ATP9B: variants seen among roughly 807,000 people sequenced by gnomAD.
ATP9B encodes the protein probable phospholipid-transporting ATPase IIB.
A neutral mutation model predicts 146.1 loss-of-function variants in ATP9B; 110 were observed. The observed-to-expected ratio is 0.75, with a 90% confidence interval of 0.65 to 0.88. The LOEUF (loss-of-function observed/expected upper bound fraction) is 0.88, where lower values mean the gene tolerates loss of function less well. ATP9B is among the 40% of genes least tolerant of loss of function. The probability of loss-of-function intolerance (pLI) is 0.00; values close to 1 mark genes in which losing one functional copy is unlikely to be tolerated. For missense variants in ATP9B, 1,499 were observed against 1,496.4 expected (o/e 1.00, Z -0.03); for synonymous variants, 604 against 569.7 (o/e 1.06, Z -0.86).
chr18:79,348,939 G>A lies in ATP9B; in HGVS notation c.2903+743G>A, dbSNP rs1330683536. Among the ~76,000 whole-genome samples, 9 of 152,226 alleles carry A rather than the reference G, an allele frequency of 5.9e-5. No homozygotes were observed. The East Asian group carries it at 7.7e-4, about 13-fold the overall frequency. On this transcript the variant is annotated intron_variant, in intron 25 of 29. Coordinates refer to ENST00000426216, the MANE Select transcript of ATP9B (RefSeq NM_198531.5). ...GGGGAGGTTTCAGTGAGCTAAGATC[G>A]TGCCATTGCACTCCAGCTTGGGCAA...
intron 10 of ATP9B, chr18:79,209,784 T>A: frequency 1.7e-6 from 1 of 585,952 alleles, no homozygotes; most frequent in Non-Finnish European, 2.1e-6. Flanking sequence ...TTCAGCTCTT[T>A]TAGTACATAC....
intron 4 of ATP9B, among the ~76,000 whole-genome samples, chr18:79,125,768 A>G (rs1178978668): frequency 6.6e-6 from 1 of 152,188 alleles, no homozygotes; most frequent in Admixed American, 6.5e-5. Flanking sequence ...AAGCACTATA[A>G]TTGTTCATTC....
At chr18:79,336,539 A>G (rs2096828064) in intron 17 of ATP9B, 89 bp from the exon 18 acceptor site, 2 of 1,207,462 alleles carry the variant, frequency 1.7e-6, no homozygotes, top group African/African-American at 1.5e-5. Flanking sequence ...GCAGGGCACC[A>G]GCAATCAGAG....
At chr18:79,196,677 C>T (rs574726316) in intron 9 of ATP9B, among the ~76,000 whole-genome samples, 1 of 152,278 alleles carries the variant, frequency 6.6e-6, no homozygotes, top group East Asian at 1.9e-4. Context: ...AACAGTTGAT[C>T]AATTCATATG....
At chr18:79,249,944 C>A (rs1368141742) in intron 11 of ATP9B, among the ~76,000 whole-genome samples, 2 of 152,188 alleles carry the variant, frequency 1.3e-5, no homozygotes, top group African/African-American at 4.8e-5. Context: ...GAAAATGCCA[C>A]CTGCAAGGCA....
chr18:79,263,620 TCTC>T (rs1278825443), intron 12 of ATP9B, among the ~76,000 whole-genome samples: 1 of 152,198 alleles, frequency 6.6e-6, no homozygotes, highest in Non-Finnish European at 1.5e-5. Context: ...GTTGTCTTCT[TCTC>T]ATTTCTTGCA....
At chr18:79,156,924 C>T (rs760146282) in intron 7 of ATP9B, among the ~76,000 whole-genome samples, 2 of 152,156 alleles carry the variant, frequency 1.3e-5, no homozygotes, top group Non-Finnish European at 2.9e-5. Context: ...TGCAGGCCCT[C>T]CAGTCCCCGG....
chr18:79,150,898 C>T (rs2094678811), intron 6 of ATP9B, among the ~76,000 whole-genome samples: 1 of 152,002 alleles, frequency 6.6e-6, no homozygotes, highest in South Asian at 2.1e-4. Flanking sequence ...TTGCTTGGGC[C>T]CGGGAATTCA....
At chr18:79,301,421 G>A (rs1009147008) in intron 13 of ATP9B, among the ~76,000 whole-genome samples, 1 of 152,184 alleles carries the variant, frequency 6.6e-6, no homozygotes, top group African/African-American at 2.4e-5. Flanking sequence ...GAACCCAGGA[G>A]GCAGAGGTTG....
At chr18:79,221,725 C>T (rs2095679183) in intron 11 of ATP9B, among the ~76,000 whole-genome samples, 1 of 151,888 alleles carries the variant, frequency 6.6e-6, no homozygotes, top group African/African-American at 2.4e-5. Flanking sequence ...TGTCTCAGAA[C>T]AAACAAACAA....
chr18:79,178,676 A>T (rs143443093), intron 8 of ATP9B, among the ~76,000 whole-genome samples: 1 of 152,094 alleles, frequency 6.6e-6, no homozygotes, highest in Non-Finnish European at 1.5e-5. Context: ...GACTGATTTC[A>T]TATGTGTTAC....
At chr18:79,238,949 A>G (rs1247218872) in intron 11 of ATP9B, among the ~76,000 whole-genome samples, 1 of 152,230 alleles carries the variant, frequency 6.6e-6, no homozygotes, top group African/African-American at 2.4e-5. Flanking sequence ...AAGGAGAAAT[A>G]GGTATATTTT....
At chr18:79,195,201 T>C (rs2095407353) in intron 9 of ATP9B, among the ~76,000 whole-genome samples, 1 of 152,132 alleles carries the variant, frequency 6.6e-6, no homozygotes, top group Admixed American at 6.5e-5. Context: ...CCACCTCCCA[T>C]CCTTGGAATA....
At chr18:79,343,966 G>A in intron 20 of ATP9B, 1 of 463,994 alleles carries the variant, frequency 2.2e-6, no homozygotes, top group Non-Finnish European at 3.9e-6. Context: ...TAACTCATAG[G>A]CACCCTTTAC....
chr18:79,188,387 T>C (rs899976953), intron 8 of ATP9B, among the ~76,000 whole-genome samples: 5 of 152,222 alleles, frequency 3.3e-5, no homozygotes, highest in Admixed American at 2.0e-4. Context: ...TTACCAGTTT[T>C]AGCTCGGCCC....
In ATP9B at chr18:79,193,173, T is replaced by C; in HGVS notation, c.874-10T>C. On this transcript the variant is annotated splice_polypyrimidine_tract_variant and intron_variant, in intron 8 of 29. Transcript: ENST00000426216. ...AACATTCTAATCGATTCAAATGTTC[T>C]GTATTCCAGGACCTTTTTTCTATCA... 1.3e-6 allele frequency: 2 copies of C among 1,574,268 alleles called. No homozygotes were observed. Among genetic ancestry groups the C allele is most frequent in the Non-Finnish European group, 1.7e-6 (2 of 1,146,624 alleles).
At chr18:79,199,235 G>C (rs1414296111) in intron 9 of ATP9B, among the ~76,000 whole-genome samples, 1 of 152,000 alleles carries the variant, frequency 6.6e-6, no homozygotes, top group Non-Finnish European at 1.5e-5. Context: ...ACAGGCATGA[G>C]CCTGTAAACT....
intron 9 of ATP9B, among the ~76,000 whole-genome samples, chr18:79,194,169 C>G (rs2095396064): frequency 6.6e-6 from 1 of 151,954 alleles, no homozygotes; most frequent in African/African-American, 2.4e-5. Context: ...GAAATAAACT[C>G]ACATCTTTTT....
intron 1 of ATP9B, among the ~76,000 whole-genome samples, chr18:79,073,278 G>A (rs28608919): frequency 0.019 from 2,872 of 152,272 alleles, 45 homozygotes; most frequent in Non-Finnish European, 0.029. Flanking sequence ...CAAGGCAGGC[G>A]GCTGGGAAGT....
Sources: gnomAD v4.1 joint callset for allele counts (sites outside exome capture counted in the v4.1 genomes callset) on GRCh38, gnomAD v4.1.1 for gene constraint, MANE v1.5 for transcripts, NCBI Gene and HGNC (gene_info 2026-07-23, HGNC 2026-07-21) for gene names.